The following ELAPOR2 variants were observed in gnomAD, a reference collection of about 807,000 sequenced individuals.
ELAPOR2 encodes the protein endosome-lysosome associated apoptosis and autophagy regulator family member 2.
In ELAPOR2, 89 loss-of-function variants were observed where a neutral mutation model predicts 120.7. That is an observed-to-expected ratio of 0.74 (90% CI 0.62 to 0.88). ELAPOR2 has a LOEUF of 0.88. ELAPOR2 is among the 40% of genes least tolerant of loss of function. ELAPOR2 has a pLI of 0.00. For missense variants in ELAPOR2, 1,134 were observed against 1,251.6 expected, an observed-to-expected ratio of 0.91 and a Z score of 1.42; for synonymous variants, 444 against 444.9, an observed-to-expected ratio of 1.00 and a Z score of 0.03.
chr7:87,021,813 A>T (rs985506484), intron 1 of ELAPOR2, among the ~76,000 whole-genome samples: 2 of 152,180 alleles, frequency 1.3e-5, no homozygotes, highest in Admixed American at 6.6e-5. Context: ...TTTCTAACTT[A>T]CACCTTCAAC....
chr7:86,938,326 G>T (rs898386114), intron 7 of ELAPOR2, 112 bp from the exon 8 acceptor site: 3 of 726,310 alleles, frequency 4.1e-6, no homozygotes, highest in Non-Finnish European at 7.0e-6. Flanking sequence ...AACTTACCAG[G>T]GCAATTTAGG....
chr7:87,037,585 A>G (rs1358855996), intron 1 of ELAPOR2, among the ~76,000 whole-genome samples: 1 of 152,158 alleles, frequency 6.6e-6, no homozygotes, highest in Non-Finnish European at 1.5e-5. Flanking sequence ...TGAGAGAGGC[A>G]AGAGTCTCCT....
At chr7:87,042,892 G>A (rs182839739) in intron 1 of ELAPOR2, among the ~76,000 whole-genome samples, 1 of 151,808 alleles carries the variant, frequency 6.6e-6, no homozygotes, top group African/African-American at 2.4e-5. Flanking sequence ...AAAGAGAGAG[G>A]AATCAAATAG....
At chr7:86,979,688 T>C (rs1403677651) in intron 1 of ELAPOR2, among the ~76,000 whole-genome samples, 1 of 151,930 alleles carries the variant, frequency 6.6e-6, no homozygotes, top group Non-Finnish European at 1.5e-5. Context: ...ATTGGGGAGA[T>C]ACTAATATGG....
chr7:86,960,834 T>C (rs1431437566), intron 2 of ELAPOR2, among the ~76,000 whole-genome samples: 1 of 152,158 alleles, frequency 6.6e-6, no homozygotes, highest in East Asian at 1.9e-4. Context: ...AGTCTGCTTA[T>C]TTCTTAACGT....
At chr7:86,962,525 C>A (rs933821976) in intron 2 of ELAPOR2, among the ~76,000 whole-genome samples, 3 of 152,318 alleles carry the variant, frequency 2.0e-5, no homozygotes, top group African/African-American at 7.2e-5. Context: ...CTGGAAGCTT[C>A]TCCAGGCTGC....
At chr7:86,934,968 C>T (rs1056146463) in intron 8 of ELAPOR2, among the ~76,000 whole-genome samples, 2 of 151,986 alleles carry the variant, frequency 1.3e-5, no homozygotes, top group African/African-American at 4.8e-5. Flanking sequence ...AATCCATATT[C>T]TTCTGTCTAT....
Position 86,897,769 on chromosome 7 carries a change from G to C in ELAPOR2, c.2559-137C>G, listed in dbSNP as rs149632195. 3,125 of 928,054 alleles carry C rather than the reference G, an allele frequency of 3.4e-3. 65 individuals are homozygous for C. The African/African-American group carries it at 0.043, about 13-fold the overall frequency. 57.5% of individuals were successfully genotyped at this position (928,054 alleles called of 1,614,324 possible). ...GCTGAAGAAACACAAGTGGAAAAAAGTCTAAAAGACACAAACCACTATGAG... is the reference window on the plus strand; with the variant it reads ...GCTGAAGAAACACAAGTGGAAAAAACTCTAAAAGACACAAACCACTATGAG... On this transcript the variant is annotated intron_variant, in intron 18 of 21. Coordinates refer to ENST00000450689, the MANE Select transcript of ELAPOR2 (RefSeq NM_001142749.3).
At chr7:86,964,056 A>G (rs964066304) in intron 2 of ELAPOR2, among the ~76,000 whole-genome samples, 2 of 152,210 alleles carry the variant, frequency 1.3e-5, no homozygotes, top group East Asian at 3.9e-4. Flanking sequence ...CTATGAATAG[A>G]AAGAGATTAG....
chr7:87,031,191 T>C (rs988343111), intron 1 of ELAPOR2, among the ~76,000 whole-genome samples: 2 of 152,202 alleles, frequency 1.3e-5, no homozygotes, highest in East Asian at 1.9e-4. Context: ...AGGAATGCTG[T>C]CTGGTTCTAG....
intron 2 of ELAPOR2, among the ~76,000 whole-genome samples, chr7:86,960,847 A>G (rs1036436394): frequency 5.3e-5 from 8 of 152,136 alleles, no homozygotes; most frequent in Non-Finnish European, 8.8e-5. Flanking sequence ...CTTAACGTCC[A>G]TTAAATATGG....
At chr7:86,948,647 A>C (rs1378241456) in intron 2 of ELAPOR2, among the ~76,000 whole-genome samples, 3 of 151,928 alleles carry the variant, frequency 2.0e-5, no homozygotes, top group Non-Finnish European at 4.4e-5. Flanking sequence ...CCTATATCTT[A>C]TTTCTGATGT....
chr7:87,011,555 T>C (rs1793680752), intron 1 of ELAPOR2, among the ~76,000 whole-genome samples: 1 of 152,252 alleles, frequency 6.6e-6, no homozygotes, highest in African/African-American at 2.4e-5. Context: ...ATTTTTCCGT[T>C]TCAGTGAGTT....
At chr7:86,891,602 G>T in intron 21 of ELAPOR2, 122 bp downstream of exon 21, 1 of 719,596 alleles carries the variant, frequency 1.4e-6, no homozygotes, top group Non-Finnish European at 2.3e-6. Flanking sequence ...TATTTCTGTT[G>T]GATAAATACC....
Position 86,940,135 on chromosome 7 carries a change from G to C in ELAPOR2, c.742-20C>G. 3 of 1,491,910 alleles carry C rather than the reference G, an allele frequency of 2.0e-6. No homozygotes were observed. Among genetic ancestry groups the C allele is most frequent in the Non-Finnish European group, 2.8e-6 (3 of 1,074,444 alleles). The allele number at this position is 1,491,910 out of a possible 1,614,324, so 92.4% of individuals were successfully genotyped here. On this transcript the variant is annotated intron_variant, in intron 5 of 21. Transcript: ENST00000450689. ...CATTACCTATAAAGAGAAACATAAA[G>C]GCACTTAGGGCAGATAAGCCATGCC...
intron 2 of ELAPOR2, among the ~76,000 whole-genome samples, chr7:86,958,848 A>AT (rs1472406514): frequency 1.3e-5 from 2 of 151,892 alleles, no homozygotes; most frequent in Admixed American, 6.6e-5. Context: ...TGAGTTTAGG[A>AT]TTTTTTTTCC....
chr7:86,905,070 A>AGAAG (rs201126011), intron 18 of ELAPOR2, among the ~76,000 whole-genome samples: 15,060 of 97,928 alleles, frequency 0.15, 1,306 homozygotes, highest in Non-Finnish European at 0.17. Context: ...ACAGAGAGAG[A>AGAAG]GAAGGAAGGA....
Position 86,942,043 on chromosome 7 carries a change from T to G in ELAPOR2, c.716A>C (p.Asp239Ala), listed in dbSNP as rs923656339. 2.6e-6 allele frequency: 4 copies of G among 1,548,838 alleles called. No individual in the cohort carries two copies. Among genetic ancestry groups the G allele is most frequent in the African/African-American group, 2.7e-5 (2 of 72,956 alleles). Reference protein sequence around the residue: ...TTTDKWVKLTDNGEWGSHSVM... With the variant: ...TTTDKWVKLTANGEWGSHSVM... ...AGAATGAGAGCCCCATTCTCCATTG[T>G]CTGTAAGTTTTACCCACTTGTCAGT... Residue 239 changes from aspartate to alanine, a missense_variant, in exon 5 of 22, where the codon GAC becomes GCC. Physicochemically the swap from Asp to Ala is moderately radical, Grantham distance 126 (BLOSUM62 -2). Coordinates refer to ENST00000450689, the MANE Select transcript of ELAPOR2 (RefSeq NM_001142749.3).
At chr7:86,912,758 T>A (rs1171703395) in intron 14 of ELAPOR2, among the ~76,000 whole-genome samples, 183 bp downstream of exon 14, 1 of 152,178 alleles carries the variant, frequency 6.6e-6, no homozygotes, top group East Asian at 1.9e-4. Flanking sequence ...AACTAGTACT[T>A]TCATAGCATA....
Sources: gnomAD v4.1 joint callset for allele counts (sites outside exome capture counted in the v4.1 genomes callset) on GRCh38, gnomAD v4.1.1 for gene constraint, MANE v1.5 for transcripts, NCBI Gene and HGNC (gene_info 2026-07-23, HGNC 2026-07-21) for gene names.